MKLN1: variants seen among roughly 807,000 people sequenced by gnomAD.
MKLN1 encodes the protein muskelin 1, also known as muskelin.
A neutral mutation model predicts 99.0 loss-of-function variants in MKLN1; 18 were observed. That is an observed-to-expected ratio of 0.18 (90% confidence interval 0.13 to 0.27). The LOEUF (loss-of-function observed/expected upper bound fraction) is 0.27, where lower values mean the gene tolerates loss of function less well. Ranked by LOEUF, MKLN1 falls within the 10% of genes least tolerant of loss-of-function variation. MKLN1 has a pLI of 1.00. For synonymous variants in MKLN1, 288 were observed against 293.2 expected (o/e 0.98, Z 0.18); for missense variants, 621 against 875.9 (o/e 0.71, Z 3.67).
intron 3 of MKLN1, among the ~76,000 whole-genome samples, chr7:131,206,701 G>A (rs968261626): frequency 6.6e-6 from 1 of 151,860 alleles, no homozygotes; most frequent in African/African-American, 2.4e-5. Context: ...GACTACAGGC[G>A]TGCGCCACCG....
At chr7:131,148,039 T>A (rs923343576) in intron 2 of MKLN1, among the ~76,000 whole-genome samples, 5 of 152,150 alleles carry the variant, frequency 3.3e-5, no homozygotes, top group African/African-American at 1.2e-4. Flanking sequence ...TTCAGGGCAG[T>A]CAGATTTTTT....
chr7:131,345,639 A>G (rs973869698), intron 1 of MKLN1, among the ~76,000 whole-genome samples: 36 of 152,276 alleles, frequency 2.4e-4, no homozygotes, highest in African/African-American at 7.7e-4. Flanking sequence ...ACTTGAGCCC[A>G]GGAATTCGAG....
chr7:131,160,490 T>A (rs7457966), intron 2 of MKLN1, among the ~76,000 whole-genome samples: 5 of 114,756 alleles, frequency 4.4e-5, no homozygotes, highest in South Asian at 3.0e-4. Flanking sequence ...ATTATTATTA[T>A]TAATTATTAT....
At chr7:131,457,648 G>C (rs1175823736) in intron 12 of MKLN1, among the ~76,000 whole-genome samples, 1 of 152,204 alleles carries the variant, frequency 6.6e-6, no homozygotes, top group Admixed American at 6.5e-5. Flanking sequence ...GGGCACGGGG[G>C]CTCACACCTG....
chr7:131,147,246 G>C lies in MKLN1; in HGVS notation c.-297+4305G>C, dbSNP rs191418427. ...TTTTTTTTTTTTTGTATTTTTAGTA[G>C]AGACAGGGTTTCACCATGTCATGCT... On this transcript the variant is annotated intron_variant, in intron 2 of 7. Coordinates refer to the MKLN1 transcript ENST00000416992. Among the ~76,000 whole-genome samples the C allele has an allele frequency of 5.7e-5, 8 of 141,142 alleles. No individual in the cohort carries two copies. The East Asian group carries it at 1.7e-3, about 30-fold the overall frequency. The allele number at this position is 141,142 out of a possible 152,430, so 92.6% of individuals were successfully genotyped here.
chr7:131,377,801 TC>T (rs1793708581), intron 2 of MKLN1, among the ~76,000 whole-genome samples: 1 of 152,168 alleles, frequency 6.6e-6, no homozygotes, highest in Non-Finnish European at 1.5e-5. Context: ...AAATATTGTC[TC>T]CTCTTGATGA....
chr7:131,355,665 G>GT (rs1563308421), intron 1 of MKLN1, among the ~76,000 whole-genome samples: 16 of 129,826 alleles, frequency 1.2e-4, no homozygotes, highest in African/African-American at 4.6e-4. Context: ...AAGTTCTGGG[G>GT]TTTTTTGTTT....
At chr7:131,403,720 G>A (rs1471378409) in intron 6 of MKLN1, among the ~76,000 whole-genome samples, 10 of 152,130 alleles carry the variant, frequency 6.6e-5, no homozygotes, top group Non-Finnish European at 1.5e-4. Flanking sequence ...GAGAAATGGG[G>A]GAACTGCTGG....
Position 131,203,855 on chromosome 7 carries a change from G to A in MKLN1, c.-179+881G>A, listed in dbSNP as rs149197362. On this transcript the variant is annotated intron_variant, in intron 3 of 7. Transcript: ENST00000416992. ...TGCAGTCTTTTGCTTTGAACATGAT[G>A]CTTGGGTCTAGCCACCAGAGATTGC... Among the ~76,000 whole-genome samples, 18 of 152,202 alleles carry A rather than the reference G, an allele frequency of 1.2e-4. No homozygotes were observed. In the East Asian group the frequency reaches 2.7e-3, roughly 23 times the overall value.
In MKLN1 at chr7:131,342,402, C is replaced by T. The variant is rs200198910; in HGVS notation, c.98+14405C>T. On this transcript the variant is annotated intron_variant, in intron 1 of 17. Transcript: ENST00000352689. Reference sequence around the variant, plus strand: ...ATACCTATCAGTGTACAGACATGTACACACATAGGTACACATATAATACTT... The same window carrying T: ...ATACCTATCAGTGTACAGACATGTATACACATAGGTACACATATAATACTT... 2.6e-4 allele frequency among the ~76,000 whole-genome samples: 40 copies of T among 152,324 alleles called. No individual in the cohort carries two copies. In the East Asian group the frequency reaches 6.0e-3, roughly 23 times the overall value.
intron 6 of MKLN1, among the ~76,000 whole-genome samples, chr7:131,405,914 T>C (rs1794691026): frequency 6.6e-6 from 1 of 152,130 alleles, no homozygotes; most frequent in African/African-American, 2.4e-5. Context: ...AGCAGTGTTG[T>C]ATATTTGTTC....
intron 3 of MKLN1, among the ~76,000 whole-genome samples, chr7:131,318,397 C>T (rs1036645814): frequency 4.6e-5 from 7 of 152,044 alleles, no homozygotes; most frequent in African/African-American, 1.4e-4. Flanking sequence ...AGAAGTTCTT[C>T]GAAACCAATG....
In MKLN1 at chr7:131,342,623, A is replaced by C. The variant is rs564203868; in HGVS notation, c.98+14626A>C. 3.9e-5 allele frequency among the ~76,000 whole-genome samples: 6 copies of C among 152,342 alleles called. No individual in the cohort carries two copies. The East Asian group carries it at 1.2e-3, about 29-fold the overall frequency. On this transcript the variant is annotated intron_variant, in intron 1 of 17. Transcript: ENST00000352689. ...TAATCTTTTTCTCTTTGTTTCTTTC[A>C]GCATTGATGACTGGGAAGTGAGAGA...
intron 3 of MKLN1, among the ~76,000 whole-genome samples, chr7:131,292,764 T>C (rs1798239660): frequency 6.6e-6 from 1 of 152,202 alleles, no homozygotes; most frequent in African/African-American, 2.4e-5. Flanking sequence ...ACCCAATTTG[T>C]GAGTACTTTG....
chr7:131,408,337 G>A (rs1035758827), intron 6 of MKLN1, among the ~76,000 whole-genome samples: 66 of 151,800 alleles, frequency 4.3e-4, no homozygotes, highest in Non-Finnish European at 6.0e-4. Flanking sequence ...AATTCTTTTT[G>A]ATCTAATCAT....
At chr7:131,197,001 T>C (rs1448007607) in intron 2 of MKLN1, among the ~76,000 whole-genome samples, 3 of 152,166 alleles carry the variant, frequency 2.0e-5, no homozygotes, top group Admixed American at 6.5e-5. Context: ...CTTTGACTGC[T>C]GGACAGCTCC....
At chr7:131,372,697 A>T (rs920101250) in intron 1 of MKLN1, among the ~76,000 whole-genome samples, 2 of 150,126 alleles carry the variant, frequency 1.3e-5, no homozygotes, top group African/African-American at 2.4e-5. Flanking sequence ...GCTTTGATGA[A>T]TGTGGATTAG....
chr7:131,270,135 G>C (rs996175258), intron 3 of MKLN1, among the ~76,000 whole-genome samples: 3 of 151,910 alleles, frequency 2.0e-5, no homozygotes, highest in Non-Finnish European at 4.4e-5. Flanking sequence ...TGTTAGCCAG[G>C]ATGGTCTCGA....
chr7:131,468,339 TAGA>T (rs1348962133), intron 15 of MKLN1, among the ~76,000 whole-genome samples: 3 of 152,204 alleles, frequency 2.0e-5, no homozygotes, highest in Non-Finnish European at 4.4e-5. Context: ...ATAGACAGAA[TAGA>T]AGAAGTTTGT....
Sources: allele counts gnomAD v4.1 joint callset (sites outside exome capture counted in the v4.1 genomes callset), GRCh38; gene constraint gnomAD v4.1.1; transcripts MANE v1.5; gene names NCBI Gene and HGNC (gene_info 2026-07-23, HGNC 2026-07-21).